KRTAP10-8: variants seen among roughly 807,000 people sequenced by gnomAD.
KRTAP10-8 encodes the protein keratin associated protein 10-8.
For synonymous variants in KRTAP10-8, 153 were observed against 139.5 expected (o/e 1.10, Z -0.68); for missense variants, 323 against 329.3 (o/e 0.98, Z 0.15).
In KRTAP10-8 at chr21:44,612,685, G is replaced by A. The variant is rs140887273; in HGVS notation, c.585G>A (p.Pro195=). ...SLCCQKSSCQ[P]ACCTTSCCRP... is the part of the protein sequence containing the mutation. ...GCTGCCAGAAGTCTAGCTGCCAGCC[G>A]GCTTGCTGCACCACCTCCTGCTGCA... is the stretch of plus-strand genomic sequence containing the variant. Residue 195 remains proline, a synonymous_variant, in exon 1 of 1, where the codon CCG becomes CCA. Coordinates refer to ENST00000334662, the MANE Select transcript of KRTAP10-8 (RefSeq NM_198695.2). This position sits in a 1 kb window ranked among gnomAD's most constrained non-coding sequence, Gnocchi z 4.1. 3.2e-4 allele frequency: 521 copies of A among 1,613,830 alleles called. 1 individual carries two copies. In the African/African-American group the frequency reaches 5.3e-3, roughly 17 times the overall value.
Position 44,612,624 on chromosome 21 carries a change from G to A in KRTAP10-8, c.524G>A (p.Cys175Tyr). ...CCVPICCKPI[C>Y]CVPVCSGASS... ...GTGCCCATCTGCTGCAAGCCCATCT[G>A]CTGTGTGCCTGTCTGCTCTGGGGCT... Residue 175 changes from cysteine (C) to tyrosine (Y), a missense_variant, in exon 1 of 1, where the codon TGC (cysteine) becomes TAC (tyrosine). Transcript: ENST00000334662. The surrounding 1 kb of genome is among the most constrained non-coding windows in gnomAD (Gnocchi z 4.1). 1.2e-6 allele frequency: 2 copies of A among 1,614,054 alleles called. No individual in the cohort carries two copies. Among genetic ancestry groups the A allele is most frequent in the Non-Finnish European group, 1.7e-6 (2 of 1,179,984 alleles).
rs142904210 is a variant in KRTAP10-8, at chr21:44,612,483, G to A, written c.383G>A (p.Cys128Tyr). The change falls in exon 1 of 1, where the codon TGC (cysteine) becomes TAC (tyrosine). Residue 128 changes from cysteine (C) to tyrosine (Y), a missense_variant. Physicochemically the swap from Cys to Tyr is radical, Grantham distance 194 (BLOSUM62 -2). Transcript: ENST00000334662. This position sits in a 1 kb window ranked among gnomAD's most constrained non-coding sequence, Gnocchi z 4.1. ...GTGCCTGTGTGCTGCAAGTCCAACT[G>A]CTGCAAGCCCGTGTGCTGCGTGTCC... The part of the protein sequence containing the change: ...CCVPVCCKSN[C>Y]CKPVCCVSIC... 7.1e-5 allele frequency: 115 copies of A among 1,609,938 alleles called. No homozygotes were observed. The African/African-American group carries it at 1.3e-3, about 19-fold the overall frequency.
At position 44,612,180 on chromosome 21, in the gene KRTAP10-8, T is replaced by A. The variant is rs1555931120; in HGVS notation, c.80T>A (p.Val27Asp). 2.4e-5 allele frequency: 38 copies of A among 1,614,022 alleles called. No individual in the cohort carries two copies. The highest frequency in any genetic ancestry group is 3.2e-5 in the Non-Finnish European group (38 of 1,180,002). ...MSVCSSDVGH[V>D]SRVSSPSTCT... ...GTCTGCTCCAGTGACGTGGGCCATG[T>A]CAGCCGAGTCTCCTCCCCCAGCACC... The change falls in exon 1 of 1, where the codon GTC becomes GAC. Residue 27 changes from valine (V) to aspartate (D), a missense_variant. Coordinates refer to ENST00000334662, the MANE Select transcript of KRTAP10-8 (RefSeq NM_198695.2). The surrounding 1 kb of genome is among the most constrained non-coding windows in gnomAD (Gnocchi z 4.1).
rs782425871 is a variant in KRTAP10-8, at chr21:44,612,826, G to A, written c.726G>A (p.Pro242=). 29 of 1,612,468 alleles carry A rather than the reference G, an allele frequency of 1.8e-5. No homozygotes were observed. In the Middle Eastern group the frequency reaches 5.2e-4, roughly 29 times the overall value. The change falls in exon 1 of 1, where the codon CCG becomes CCA. Residue 242 remains proline, a synonymous_variant. Coordinates refer to ENST00000334662, the MANE Select transcript of KRTAP10-8 (RefSeq NM_198695.2). This position sits in a 1 kb window ranked among gnomAD's most constrained non-coding sequence, Gnocchi z 4.1. ...ASSCQPSCCH[P]ASCLSFLCRP... is the part of the protein sequence containing the mutation. ...CCTGCCAGCCCAGCTGCTGCCACCC[G>A]GCCTCCTGCCTGTCCTTCCTCTGCC...
At position 44,612,409 on chromosome 21, in the gene KRTAP10-8, C is replaced by G. The variant is rs1555931319; in HGVS notation, c.309C>G (p.Ser103Arg). The G allele has an allele frequency of 3.1e-6, 5 of 1,614,184 alleles. No homozygotes were observed. The highest frequency in any genetic ancestry group is 3.3e-5 in the Admixed American group (2 of 60,034). ...SCTPSCCQQS[S>R]CQPACCTSSP... is the part of the protein sequence containing the mutation. ...CACCTTCATGCTGCCAGCAGTCTAG[C>G]TGCCAGCCGGCTTGCTGCACCTCCT... is the stretch of plus-strand genomic sequence containing the variant. Residue 103 changes from serine (S) to arginine (R), a missense_variant, in exon 1 of 1, where the codon AGC (serine) becomes AGG (arginine). Physicochemically the swap from Ser to Arg is moderately radical, Grantham distance 110. Coordinates refer to ENST00000334662, the MANE Select transcript of KRTAP10-8 (RefSeq NM_198695.2). This position sits in a 1 kb window ranked among gnomAD's most constrained non-coding sequence, Gnocchi z 4.1.
chr21:44,612,436 C>T lies in KRTAP10-8; in HGVS notation c.336C>T (p.Ser112=), dbSNP rs1264230488. The T allele has an allele frequency of 1.2e-6, 2 of 1,614,084 alleles. No individual in the cohort carries two copies. Among genetic ancestry groups the T allele is most frequent in the Non-Finnish European group, 8.5e-7 (1 of 1,180,008 alleles). ...GCCAGCCGGCTTGCTGCACCTCCTCCCCCTGCCAACAGGCCTGCTGTGTGC... is the reference window on the plus strand; with the variant it reads ...GCCAGCCGGCTTGCTGCACCTCCTCTCCCTGCCAACAGGCCTGCTGTGTGC... ...SSCQPACCTS[S]PCQQACCVPV... is the part of the protein sequence containing the mutation. The change falls in exon 1 of 1, where the codon TCC becomes TCT. Residue 112 remains serine, a synonymous_variant. Coordinates refer to ENST00000334662, the MANE Select transcript of KRTAP10-8 (RefSeq NM_198695.2). The surrounding 1 kb of genome is among the most constrained non-coding windows in gnomAD (Gnocchi z 4.1).
At position 44,612,177 on chromosome 21, in the gene KRTAP10-8, A is replaced by G. The variant is rs411254; in HGVS notation, c.77A>G (p.His26Arg). ...TMSVCSSDVG[H>R]VSRVSSPSTC... ...TCTGTCTGCTCCAGTGACGTGGGCC[A>G]TGTCAGCCGAGTCTCCTCCCCCAGC... is the stretch of plus-strand genomic sequence containing the variant. Residue 26 changes from histidine (H) to arginine (R), a missense_variant, in exon 1 of 1, where the codon CAT (histidine) becomes CGT (arginine). Transcript: ENST00000334662. The surrounding 1 kb of genome is among the most constrained non-coding windows in gnomAD (Gnocchi z 4.1). The G allele has an allele frequency of 0.94, 1,515,833 of 1,613,944 alleles. 712,537 individuals are homozygous for G. The highest frequency in any genetic ancestry group is 0.96 in the Admixed American group (57,436 of 60,018).
Position 44,612,360 on chromosome 21 carries a change from A to T in KRTAP10-8, c.260A>T (p.Gln87Leu). Residue 87 changes from glutamine (Q) to leucine (L), a missense_variant, in exon 1 of 1, where the codon CAA becomes CTA. Gln to Leu is a moderately radical substitution (Grantham distance 113). Transcript: ENST00000334662. This position sits in a 1 kb window ranked among gnomAD's most constrained non-coding sequence, Gnocchi z 4.1. The part of the protein sequence containing the change: ...APVSCEPSPC[Q>L]SGCTDSCTPS... The stretch of plus-strand genomic sequence containing the variant: ...GTGAGCTGTGAGCCCAGCCCCTGCC[A>T]ATCAGGCTGCACCGACTCCTGCACA... 6.2e-7 allele frequency: 1 copy of T among 1,613,916 alleles called. No homozygotes were observed. The highest frequency in any genetic ancestry group is 8.5e-7 in the Non-Finnish European group (1 of 1,179,998).
Position 44,612,525 on chromosome 21 carries a change from C to T in KRTAP10-8, c.425C>T (p.Ser142Phe). The change falls in exon 1 of 1, where the codon TCC becomes TTC. Residue 142 changes from serine to phenylalanine, a missense_variant. By Grantham distance (155) the Ser-to-Phe change is radical. Transcript: ENST00000334662. This position sits in a 1 kb window ranked among gnomAD's most constrained non-coding sequence, Gnocchi z 4.1. ...VCCVSICSGA[S>F]SPCCQQSSCQ... ...TGCGTGTCCATCTGCTCTGGAGCTT[C>T]CTCCCCATGCTGCCAGCAGTCTAGC... 2 of 1,610,124 alleles carry T rather than the reference C, an allele frequency of 1.2e-6. No homozygotes were observed. The highest frequency in any genetic ancestry group is 4.5e-5 in the East Asian group (2 of 44,880).
rs1407589851 is a variant in KRTAP10-8, at chr21:44,612,748, G to A, written c.648G>A (p.Val216=). 18 of 1,613,298 alleles carry A rather than the reference G, an allele frequency of 1.1e-5. No individual in the cohort carries two copies. The highest frequency in any genetic ancestry group is 4.5e-5 in the East Asian group (2 of 44,840). Residue 216 remains valine (V), a synonymous_variant, in exon 1 of 1, where the codon GTG becomes GTA. Transcript: ENST00000334662. This position sits in a 1 kb window ranked among gnomAD's most constrained non-coding sequence, Gnocchi z 4.1. Reference sequence around the variant, plus strand: ...CCGTGTCCCTCCTCTGCCGCCCTGTGTGCCGGCCTGCCTGCTGTGTGCCTG... The same window carrying A: ...CCGTGTCCCTCCTCTGCCGCCCTGTATGCCGGCCTGCCTGCTGTGTGCCTG... The part of the protein sequence containing the change: ...SSSVSLLCRP[V]CRPACCVPVP...
chr21:44,612,835 C>T lies in KRTAP10-8; in HGVS notation c.735C>T (p.Cys245=). ...CQPSCCHPAS[C]LSFLCRPACS... The stretch of plus-strand genomic sequence containing the variant: ...CCAGCTGCTGCCACCCGGCCTCCTG[C>T]CTGTCCTTCCTCTGCCGCCCCGCGT... The change falls in exon 1 of 1, where the codon TGC becomes TGT. Residue 245 remains cysteine (C), a synonymous_variant. Transcript: ENST00000334662. This position sits in a 1 kb window ranked among gnomAD's most constrained non-coding sequence, Gnocchi z 4.1. 5 of 1,612,794 alleles carry T rather than the reference C, an allele frequency of 3.1e-6. No homozygotes were observed. Among genetic ancestry groups the T allele is most frequent in the Non-Finnish European group, 4.2e-6 (5 of 1,179,790 alleles).
In KRTAP10-8 at chr21:44,612,471, G is replaced by C. The variant is rs782040508; in HGVS notation, c.371G>C (p.Cys124Ser). The change falls in exon 1 of 1, where the codon TGC becomes TCC. Residue 124 changes from cysteine to serine, a missense_variant. By Grantham distance (112) the Cys-to-Ser change is moderately radical. Transcript: ENST00000334662. The surrounding 1 kb of genome is among the most constrained non-coding windows in gnomAD (Gnocchi z 4.1). Reference sequence around the variant, plus strand: ...CAGGCCTGCTGTGTGCCTGTGTGCTGCAAGTCCAACTGCTGCAAGCCCGTG... The same window carrying C: ...CAGGCCTGCTGTGTGCCTGTGTGCTCCAAGTCCAACTGCTGCAAGCCCGTG... ...CQQACCVPVC[C>S]KSNCCKPVCC... 4 of 1,610,296 alleles carry C rather than the reference G, an allele frequency of 2.5e-6. No individual in the cohort carries two copies. The Admixed American group carries it at 6.7e-5, about 27-fold the overall frequency.
rs781807116 is a variant in KRTAP10-8, at chr21:44,612,713, C to A, written c.613C>A (p.Pro205Thr). The change falls in exon 1 of 1, where the codon CCC becomes ACC. Residue 205 changes from proline to threonine, a missense_variant. By Grantham distance (38) the Pro-to-Thr change is conservative. Transcript: ENST00000334662. The surrounding 1 kb of genome is among the most constrained non-coding windows in gnomAD (Gnocchi z 4.1). Reference sequence around the variant, plus strand: ...TTGCTGCACCACCTCCTGCTGCAGACCCTCCTCCTCCGTGTCCCTCCTCTG... The same window carrying A: ...TTGCTGCACCACCTCCTGCTGCAGAACCTCCTCCTCCGTGTCCCTCCTCTG... ...PACCTTSCCR[P>T]SSSVSLLCRP... 1.2e-6 allele frequency: 2 copies of A among 1,613,758 alleles called. No homozygotes were observed. The highest frequency in any genetic ancestry group is 1.3e-5 in the African/African-American group (1 of 74,858).
chr21:44,612,417 C>A lies in KRTAP10-8; in HGVS notation c.317C>A (p.Pro106Gln), dbSNP rs141295608. ...PSCCQQSSCQPACCTSSPCQQ... is the reference protein window; with the variant it reads ...PSCCQQSSCQQACCTSSPCQQ... ...TGCTGCCAGCAGTCTAGCTGCCAGC[C>A]GGCTTGCTGCACCTCCTCCCCCTGC... is the stretch of plus-strand genomic sequence containing the variant. The change falls in exon 1 of 1, where the codon CCG becomes CAG. Residue 106 changes from proline (P) to glutamine (Q), a missense_variant. By Grantham distance (76) the Pro-to-Gln change is moderately conservative. Transcript: ENST00000334662. The surrounding 1 kb of genome is among the most constrained non-coding windows in gnomAD (Gnocchi z 4.1). 1 of 1,614,114 alleles carries A rather than the reference C, an allele frequency of 6.2e-7. No homozygotes were observed. The highest frequency in any genetic ancestry group is 2.2e-5 in the East Asian group (1 of 44,874).
chr21:44,612,857 G>A lies in KRTAP10-8; in HGVS notation c.757G>A (p.Ala253Thr), dbSNP rs369426949. Residue 253 changes from alanine to threonine, a missense_variant, in exon 1 of 1, where the codon GCG becomes ACG. Ala to Thr is a moderately conservative substitution (Grantham distance 58). Coordinates refer to ENST00000334662, the MANE Select transcript of KRTAP10-8 (RefSeq NM_198695.2). This position sits in a 1 kb window ranked among gnomAD's most constrained non-coding sequence, Gnocchi z 4.1. ...ASCLSFLCRP[A>T]CSRLAC ...CTGCCTGTCCTTCCTCTGCCGCCCC[G>A]CGTGCTCCCGCCTGGCCTGCTGAGG... 75 of 1,611,976 alleles carry A rather than the reference G, an allele frequency of 4.7e-5. No homozygotes were observed. Among genetic ancestry groups the A allele is most frequent in the Admixed American group, 8.3e-5 (5 of 59,972 alleles).
chr21:44,612,246 G>A lies in KRTAP10-8; in HGVS notation c.146G>A (p.Ser49Asn). The change falls in exon 1 of 1, where the codon AGC (serine) becomes AAC (asparagine). Residue 49 changes from serine (S) to asparagine (N), a missense_variant. Coordinates refer to ENST00000334662, the MANE Select transcript of KRTAP10-8 (RefSeq NM_198695.2). This position sits in a 1 kb window ranked among gnomAD's most constrained non-coding sequence, Gnocchi z 4.1. ...SSWQVDNCQE[S>N]CCEPRSCASS... ...TGGCAGGTGGACAATTGCCAGGAAA[G>A]CTGCTGCGAGCCCCGCTCCTGTGCC... 1.9e-6 allele frequency: 3 copies of A among 1,613,656 alleles called. No homozygotes were observed. The highest frequency in any genetic ancestry group is 2.2e-5 in the East Asian group (1 of 44,882).
In KRTAP10-8 at chr21:44,612,946, T is replaced by A. The variant is rs1569219712; in HGVS notation, c.*66T>A. 3 of 1,585,604 alleles carry A rather than the reference T, an allele frequency of 1.9e-6. No homozygotes were observed. The highest frequency in any genetic ancestry group is 2.0e-4 in the Middle Eastern group (1 of 4,914). On this transcript the variant is annotated 3_prime_UTR_variant, in exon 1 of 1. Coordinates refer to ENST00000334662, the MANE Select transcript of KRTAP10-8 (RefSeq NM_198695.2). The surrounding 1 kb of genome is among the most constrained non-coding windows in gnomAD (Gnocchi z 4.1). The stretch of plus-strand genomic sequence containing the variant: ...GTCCCCCAGGGCCAGCCGGCTCCGG[T>A]CCTGTCCTGGGTTAAGTGGCTGCCC...
rs782771038 is a variant in KRTAP10-8 at position 44,612,925 on chromosome 21, C to T, written c.*45C>T. 3.9e-5 allele frequency: 63 copies of T among 1,601,074 alleles called. No individual in the cohort carries two copies. In the Middle Eastern group the frequency reaches 5.6e-4, roughly 14 times the overall value. The stretch of plus-strand genomic sequence containing the variant: ...AGTCCAGCTGCTGATGGGCACGTCC[C>T]CCAGGGCCAGCCGGCTCCGGTCCTG... On this transcript the variant is annotated 3_prime_UTR_variant, in exon 1 of 1. Coordinates refer to ENST00000334662, the MANE Select transcript of KRTAP10-8 (RefSeq NM_198695.2). The surrounding 1 kb of genome is among the most constrained non-coding windows in gnomAD (Gnocchi z 4.1).
chr21:44,612,145 C>T lies in KRTAP10-8; in HGVS notation c.45C>T (p.Ser15=). The T allele has an allele frequency of 6.2e-7, 1 of 1,614,112 alleles. No individual in the cohort carries two copies. Among genetic ancestry groups the T allele is most frequent in the Non-Finnish European group, 8.5e-7 (1 of 1,180,006 alleles). The change falls in exon 1 of 1, where the codon TCC becomes TCT. Residue 15 remains serine, a synonymous_variant. Coordinates refer to ENST00000334662, the MANE Select transcript of KRTAP10-8 (RefSeq NM_198695.2). This position sits in a 1 kb window ranked among gnomAD's most constrained non-coding sequence, Gnocchi z 4.1. ...CCTRTYVIAA[S]TMSVCSSDVG... ...CCAGGACGTATGTGATTGCTGCATCCACCATGTCTGTCTGCTCCAGTGACG... is the reference window on the plus strand; with the variant it reads ...CCAGGACGTATGTGATTGCTGCATCTACCATGTCTGTCTGCTCCAGTGACG...
Sources: allele counts gnomAD v4.1 joint callset, GRCh38; gene constraint gnomAD v4.1.1; non-coding constraint Gnocchi (gnomAD v3.1); transcripts MANE v1.5; gene names NCBI Gene and HGNC (gene_info 2026-07-23, HGNC 2026-07-21).